The following NKAIN3 variants were observed in gnomAD, a reference collection of about 807,000 sequenced individuals.
NKAIN3 encodes the protein sodium/potassium transporting ATPase interacting 3, also known as sodium/potassium-transporting ATPase subunit beta-1-interacting protein 3.
In NKAIN3, 25 loss-of-function variants were observed where a neutral mutation model predicts 30.2. That is an observed-to-expected ratio of 0.83 (90% CI 0.60 to 1.16). The LOEUF (loss-of-function observed/expected upper bound fraction) is 1.16, where lower values mean the gene tolerates loss of function less well. Ranked by LOEUF, NKAIN3 falls within the 50% of genes most tolerant of loss-of-function variation. The probability of loss-of-function intolerance (pLI) is 0.00; values close to 1 mark genes in which losing one functional copy is unlikely to be tolerated. For missense variants in NKAIN3, 225 were observed against 254.1 expected, an observed-to-expected ratio of 0.89 and a Z score of 0.78; for synonymous variants, 91 against 89.6, an observed-to-expected ratio of 1.02 and a Z score of -0.09.
chr8:62,774,764 A>G (rs1420988550), intron 4 of NKAIN3, among the ~76,000 whole-genome samples: 5 of 152,286 alleles, frequency 3.3e-5, no homozygotes, highest in Middle Eastern at 3.4e-3. Flanking sequence ...CAACTTGGTT[A>G]TGATGAGAGA....
chr8:62,750,158 C>A (rs952793767), intron 4 of NKAIN3, among the ~76,000 whole-genome samples: 2 of 151,942 alleles, frequency 1.3e-5, no homozygotes, highest in African/African-American at 4.8e-5. Context: ...GGCAGGGGCT[C>A]GGCGGCTCTG....
intron 3 of NKAIN3, among the ~76,000 whole-genome samples, chr8:62,631,973 C>T (rs1811977447): frequency 6.6e-6 from 1 of 152,126 alleles, no homozygotes. Flanking sequence ...CTGGATAATA[C>T]ATATATTAAA....
intron 3 of NKAIN3, among the ~76,000 whole-genome samples, chr8:62,633,891 C>T (rs910615509): frequency 2.0e-5 from 3 of 152,088 alleles, no homozygotes; most frequent in Admixed American, 6.5e-5. Flanking sequence ...TCTGTCCCTT[C>T]GCATCTAAGA....
rs994028187 is a variant in NKAIN3 at position 62,920,750 on chromosome 8, T to C, written c.532+2237T>C. On this transcript the variant is annotated intron_variant, in intron 5 of 6. Coordinates refer to ENST00000623646, the MANE Select transcript of NKAIN3 (RefSeq NM_001304533.3). ...ATACATTACATTACCAAGAGACATC[T>C]GGATATAGTACTTGTATTGTCATCA... Among the ~76,000 whole-genome samples, 7 of 152,334 alleles carry C rather than the reference T, an allele frequency of 4.6e-5. No homozygotes were observed. In the South Asian group the frequency reaches 1.2e-3, roughly 27 times the overall value.
At chr8:62,267,459 T>G (rs941764399) in intron 1 of NKAIN3, among the ~76,000 whole-genome samples, 5 of 152,198 alleles carry the variant, frequency 3.3e-5, no homozygotes, top group Non-Finnish European at 7.3e-5. Context: ...GCAGATAACA[T>G]GTGACATTAA....
chr8:62,546,803 A>G (rs1809029528), intron 1 of NKAIN3, among the ~76,000 whole-genome samples: 1 of 152,230 alleles, frequency 6.6e-6, no homozygotes, highest in Non-Finnish European at 1.5e-5. Flanking sequence ...GTAGATGTTT[A>G]GGGCTTGCCT....
chr8:62,724,452 T>C (rs1468887849), intron 3 of NKAIN3, among the ~76,000 whole-genome samples: 4 of 152,166 alleles, frequency 2.6e-5, no homozygotes, highest in Non-Finnish European at 5.9e-5. Context: ...AGTAACCCTG[T>C]TGTGCTATCA....
chr8:62,384,438 A>G (rs1003841739), intron 1 of NKAIN3, among the ~76,000 whole-genome samples: 1 of 152,192 alleles, frequency 6.6e-6, no homozygotes, highest in African/African-American at 2.4e-5. Context: ...TACACATTTT[A>G]TAATAGTAAT....
At chr8:62,337,540 CT>C (rs1411740477) in intron 1 of NKAIN3, among the ~76,000 whole-genome samples, 1 of 149,204 alleles carries the variant, frequency 6.7e-6, no homozygotes, top group East Asian at 2.0e-4. Context: ...GTTGCTAGCC[CT>C]TGTTTCTGTC....
At chr8:62,674,058 T>C (rs1813395548) in intron 3 of NKAIN3, among the ~76,000 whole-genome samples, 1 of 152,240 alleles carries the variant, frequency 6.6e-6, no homozygotes, top group Non-Finnish European at 1.5e-5. Flanking sequence ...AAGCTCTCGA[T>C]GTTACTTTGT....
intron 1 of NKAIN3, among the ~76,000 whole-genome samples, chr8:62,255,830 C>CG (rs1007515623): frequency 6.6e-6 from 1 of 152,058 alleles, no homozygotes; most frequent in African/African-American, 2.4e-5. Flanking sequence ...CAGAATCACC[C>CG]GGGGGAGCTT....
intron 1 of NKAIN3, among the ~76,000 whole-genome samples, chr8:62,311,976 C>T (rs1240420997): frequency 6.7e-6 from 1 of 149,984 alleles, no homozygotes; most frequent in South Asian, 2.1e-4. Flanking sequence ...ATGCTAGTAT[C>T]GAGAGTGAAT....
At chr8:62,572,073 A>G (rs1485145113) in intron 1 of NKAIN3, among the ~76,000 whole-genome samples, 2 of 152,040 alleles carry the variant, frequency 1.3e-5, no homozygotes, top group Non-Finnish European at 2.9e-5. Context: ...TTTCTTTTCT[A>G]TTGCCTCGTC....
Position 62,966,391 on chromosome 8 carries a change from A to G in NKAIN3, c.*984A>G. 2.0e-6 allele frequency: 2 copies of G among 985,294 alleles called. No individual in the cohort carries two copies. Among genetic ancestry groups the G allele is most frequent in the African/African-American group, 1.7e-5 (1 of 57,366 alleles). The allele number at this position is 985,294 out of a possible 1,614,324, so 61.0% of individuals were successfully genotyped here. On this transcript the variant is annotated 3_prime_UTR_variant, in exon 7 of 7. Coordinates refer to ENST00000623646, the MANE Select transcript of NKAIN3 (RefSeq NM_001304533.3). Reference sequence around the variant, plus strand: ...ATATGGGAAGCAATTATCTGTGGAAAAAAGGACTGTCTTGAAAACGCATCA... The same window carrying G: ...ATATGGGAAGCAATTATCTGTGGAAGAAAGGACTGTCTTGAAAACGCATCA...
intron 4 of NKAIN3, among the ~76,000 whole-genome samples, chr8:62,870,106 G>A (rs1820552623): frequency 6.6e-6 from 1 of 150,442 alleles, no homozygotes; most frequent in African/African-American, 2.4e-5. Context: ...GATGTGGACT[G>A]AGCCACTCCA....
At chr8:62,586,515 A>G (rs949220704) in intron 2 of NKAIN3, among the ~76,000 whole-genome samples, 5 of 152,158 alleles carry the variant, frequency 3.3e-5, no homozygotes, top group African/African-American at 1.2e-4. Context: ...TGTTACAACA[A>G]TGACTGAGCA....
intron 3 of NKAIN3, among the ~76,000 whole-genome samples, chr8:62,660,206 A>G (rs974891512): frequency 1.3e-5 from 2 of 152,180 alleles, no homozygotes; most frequent in South Asian, 2.1e-4. Context: ...ACCAAGTTCC[A>G]GCACTAACGA....
rs190828257 is a variant in NKAIN3, at chr8:62,515,013, C to T, written c.55-64526C>T. Among the ~76,000 whole-genome samples, 111 of 152,136 alleles carry T rather than the reference C, an allele frequency of 7.3e-4. 2 individuals are homozygous for T. The East Asian group carries it at 0.018, about 25-fold the overall frequency. Reference sequence around the variant, plus strand: ...TTGGGAATTAATTTTCATTTTCTCCCCCAGTCCTCCCTGACCACCACTCCC... The same window carrying T: ...TTGGGAATTAATTTTCATTTTCTCCTCCAGTCCTCCCTGACCACCACTCCC... On this transcript the variant is annotated intron_variant, in intron 1 of 6. Coordinates refer to ENST00000623646, the MANE Select transcript of NKAIN3 (RefSeq NM_001304533.3).
chr8:62,531,380 T>C (rs1486974836), intron 1 of NKAIN3, among the ~76,000 whole-genome samples: 2 of 152,220 alleles, frequency 1.3e-5, no homozygotes, highest in Non-Finnish European at 2.9e-5. Context: ...AACTTACTTA[T>C]CCCTAAAACA....
Sources: allele counts gnomAD v4.1 joint callset (sites outside exome capture counted in the v4.1 genomes callset), GRCh38; gene constraint gnomAD v4.1.1; transcripts MANE v1.5; gene names NCBI Gene and HGNC (gene_info 2026-07-23, HGNC 2026-07-21).